FANCM: variants seen among roughly 807,000 people sequenced by gnomAD.
FANCM encodes the protein FA complementation group M.
In FANCM, 140 loss-of-function variants were observed where a neutral mutation model predicts 199.5. That is an observed-to-expected ratio of 0.70 (90% CI 0.61 to 0.81). The LOEUF (loss-of-function observed/expected upper bound fraction) is 0.81. FANCM is among the 30% of genes least tolerant of loss of function. The pLI is 0.00. For synonymous variants in FANCM, 840 were observed against 836.8 expected, an observed-to-expected ratio of 1.00 and a Z score of -0.07; for missense variants, 2,410 against 2,421.4, an observed-to-expected ratio of 1.00 and a Z score of 0.10.
chr14:45,183,579 A>T (rs1003882686), intron 16 of FANCM, among the ~76,000 whole-genome samples, 195 bp from the exon 17 acceptor site: 2 of 152,202 alleles, frequency 1.3e-5, no homozygotes, highest in East Asian at 3.8e-4. Context: ...ATGAATACCT[A>T]TACTAGTATT....
chr14:45,156,867 A>G (rs181478202), intron 8 of FANCM, among the ~76,000 whole-genome samples: 2 of 150,482 alleles, frequency 1.3e-5, no homozygotes, highest in East Asian at 3.9e-4. Context: ...GCGGTAAGCC[A>G]AGATTGCGCC....
Position 45,181,472 on chromosome 14 carries a change from T to G in FANCM, c.4265T>G (p.Ile1422Ser), listed in dbSNP as rs552998502. Reference sequence around the variant, plus strand: ...AGTAACGAAAGTGAAGATGACGAGATTTTCCGAAGAAAAGTTAAAAGAGCA... The same window carrying G: ...AGTAACGAAAGTGAAGATGACGAGAGTTTCCGAAGAAAAGTTAAAAGAGCA... ...LTSNESEDDE[I>S]FRRKVKRAKG... The change falls in exon 15 of 23, where the codon ATT becomes AGT. Residue 1422 changes from isoleucine (I) to serine (S), a missense_variant. Physicochemically the swap from Ile to Ser is moderately radical, Grantham distance 142. Coordinates refer to ENST00000267430, the MANE Select transcript of FANCM (RefSeq NM_020937.4). 4.4e-6 allele frequency: 7 copies of G among 1,608,484 alleles called. No homozygotes were observed. The South Asian group carries it at 6.6e-5, about 15-fold the overall frequency.
At chr14:45,192,827 TA>T (rs944032052) in intron 20 of FANCM, among the ~76,000 whole-genome samples, 67 of 141,912 alleles carry the variant, frequency 4.7e-4, no homozygotes, top group Admixed American at 7.1e-4. Context: ...AGACTCTGTC[TA>T]AAAAAAAAAA....
intron 8 of FANCM, among the ~76,000 whole-genome samples, chr14:45,158,658 A>T (rs928555563): frequency 6.6e-6 from 1 of 152,172 alleles, no homozygotes; most frequent in Non-Finnish European, 1.5e-5. Context: ...AGGTAAAGGG[A>T]AATGATAGCC....
At position 45,192,399 on chromosome 14, in the gene FANCM, T is replaced by A. The variant is rs1166355849; in HGVS notation, c.5340+3037T>A. On this transcript the variant is annotated intron_variant, in intron 20 of 22. Coordinates refer to ENST00000267430, the MANE Select transcript of FANCM (RefSeq NM_020937.4). ...GCTTACGCCTATAATCCCAGCACTTTGGGAGGCCGAGGCAGGTGGATCACT... is the reference window on the plus strand; with the variant it reads ...GCTTACGCCTATAATCCCAGCACTTAGGGAGGCCGAGGCAGGTGGATCACT... Among the ~76,000 whole-genome samples the A allele has an allele frequency of 3.3e-5, 5 of 152,210 alleles. No homozygotes were observed. In the South Asian group the frequency reaches 8.3e-4, roughly 25 times the overall value.
intron 2 of FANCM, among the ~76,000 whole-genome samples, chr14:45,138,654 C>T (rs1404933071): frequency 2.0e-5 from 3 of 152,184 alleles, no homozygotes; most frequent in South Asian, 2.1e-4. Context: ...AAAATTCAAA[C>T]TGTATGGAAT....
At chr14:45,147,530 A>T (rs1029182737) in intron 3 of FANCM, among the ~76,000 whole-genome samples, 2 of 152,092 alleles carry the variant, frequency 1.3e-5, no homozygotes, top group East Asian at 3.9e-4. Flanking sequence ...CAGTCTTCCC[A>T]ACTTGGCCTC....
chr14:45,188,726 T>C, intron 19 of FANCM, 76 bp from the exon 20 acceptor site: 1 of 1,072,786 alleles, frequency 9.3e-7, no homozygotes, highest in Non-Finnish European at 1.4e-6. Flanking sequence ...GCAGATTTCA[T>C]GTGCCTAGAA....
Position 45,159,168 on chromosome 14 carries a change from A to C in FANCM, c.1469A>C (p.Gln490Pro). 6.2e-7 allele frequency: 1 copy of C among 1,613,490 alleles called. No individual in the cohort carries two copies. Among genetic ancestry groups the C allele is most frequent in the Middle Eastern group, 1.7e-4 (1 of 6,060 alleles). ...MIFSSFRDSVQEIAEMLSQHQ... is the reference protein window; with the variant it reads ...MIFSSFRDSVPEIAEMLSQHQ... ...TTCTCTTCATTTCGAGATAGTGTTCAAGAAATTGCAGAAATGCTTTCACAG... is the reference window on the plus strand; with the variant it reads ...TTCTCTTCATTTCGAGATAGTGTTCCAGAAATTGCAGAAATGCTTTCACAG... The change falls in exon 9 of 23, where the codon CAA (glutamine) becomes CCA (proline). Residue 490 changes from glutamine to proline, a missense_variant. Coordinates refer to ENST00000267430, the MANE Select transcript of FANCM (RefSeq NM_020937.4).
At chr14:45,171,691 TTGTGTGTGTGTG>T (rs3036344) in intron 12 of FANCM, among the ~76,000 whole-genome samples, 6 of 146,428 alleles carry the variant, frequency 4.1e-5, no homozygotes, top group African/African-American at 1.3e-4. Flanking sequence ...GTAGTCCATG[TTGTGTGTGTGTG>T]TGTGTGTGTG....
At chr14:45,156,633 G>A (rs1887207860) in intron 8 of FANCM, among the ~76,000 whole-genome samples, 1 of 151,978 alleles carries the variant, frequency 6.6e-6, no homozygotes, top group African/African-American at 2.4e-5. Flanking sequence ...AAGAAAAAGG[G>A]AATTGGCCAG....
intron 2 of FANCM, among the ~76,000 whole-genome samples, chr14:45,139,196 A>G (rs1277760426): frequency 2.6e-5 from 4 of 152,234 alleles, no homozygotes; most frequent in African/African-American, 9.6e-5. Flanking sequence ...GGGATATTTT[A>G]TCTTGCATCA....
intron 10 of FANCM, 128 bp from the exon 11 acceptor site, chr14:45,166,822 C>G (rs1888011203): frequency 3.3e-6 from 2 of 611,072 alleles, no homozygotes; most frequent in Non-Finnish European, 5.8e-6. Context: ...GCTCCATTTT[C>G]TAAGTATTTA....
intron 11 of FANCM, 96 bp downstream of exon 11, chr14:45,167,259 A>G (rs1180489355): frequency 2.6e-6 from 2 of 755,208 alleles, no homozygotes; most frequent in East Asian, 2.7e-5. Flanking sequence ...AAAACTGAAT[A>G]TATGTTCTAA....
Position 45,176,049 on chromosome 14 carries a change from C to T in FANCM, c.3295C>T (p.Arg1099Cys), listed in dbSNP as rs767815301. ...NQNENLVPNN[R>C]VQIHRSPAQN... ...AAATGAAAATTTAGTACCTAACAAT[C>T]GTGTTCAAATACACAGAAGCCCTGC... The change falls in exon 14 of 23, where the codon CGT (arginine) becomes TGT (cysteine). Residue 1099 changes from arginine (R) to cysteine (C), a missense_variant. Physicochemically the swap from Arg to Cys is radical, Grantham distance 180. Transcript: ENST00000267430. The T allele has an allele frequency of 3.1e-6, 5 of 1,613,928 alleles. No homozygotes were observed. In the South Asian group the frequency reaches 3.3e-5, roughly 11 times the overall value.
chr14:45,180,892 A>G (rs910534486), intron 14 of FANCM: 9 of 155,482 alleles, frequency 5.8e-5, no homozygotes, highest in African/African-American at 1.9e-4. Context: ...GTCACTAAGT[A>G]TGGCCTGTAC....
chr14:45,162,913 A>G (rs374165217), intron 9 of FANCM, among the ~76,000 whole-genome samples: 3 of 151,814 alleles, frequency 2.0e-5, no homozygotes, highest in African/African-American at 7.2e-5. Flanking sequence ...TTACTGTGTT[A>G]TATGCAGGTT....
rs200543364 is a variant in FANCM, at chr14:45,176,213, C to T, written c.3459C>T (p.Asn1153=). Residue 1153 remains asparagine, a synonymous_variant, in exon 14 of 23, where the codon AAC becomes AAT. Coordinates refer to ENST00000267430, the MANE Select transcript of FANCM (RefSeq NM_020937.4). Reference sequence around the variant, plus strand: ...ACGATGTGAGTCTTTCACCCTTGAACAGTAAAAGCGAATCTTTACCTGTGT... The same window carrying T: ...ACGATGTGAGTCTTTCACCCTTGAATAGTAAAAGCGAATCTTTACCTGTGT... The part of the protein sequence containing the change: ...EFDDVSLSPL[N]SKSESLPVSD... 1 of 1,614,078 alleles carries T rather than the reference C, an allele frequency of 6.2e-7. No homozygotes were observed. Among genetic ancestry groups the T allele is most frequent in the East Asian group, 2.2e-5 (1 of 44,858 alleles).
Position 45,200,077 on chromosome 14 carries a change from GT to G in FANCM, c.*73del. On this transcript the variant is annotated 3_prime_UTR_variant, in exon 23 of 23. Coordinates refer to ENST00000267430, the MANE Select transcript of FANCM (RefSeq NM_020937.4). Reference sequence around the variant, plus strand: ...TAAATGCACTTCAATAATCATTGCTGTTTTATGTTTATTTGTAAATAAGAGA... The same window carrying G: ...TAAATGCACTTCAATAATCATTGCTGTTTATGTTTATTTGTAAATAAGAGA... The G allele has an allele frequency of 1.1e-6, 1 of 945,562 alleles. No homozygotes were observed. The highest frequency in any genetic ancestry group is 1.7e-5 in the African/African-American group (1 of 60,172). 58.6% of individuals were successfully genotyped at this position (945,562 alleles called of 1,614,324 possible). A position where few individuals can be genotyped will look rare whatever the true frequency, so the allele number is the denominator to read the frequency against.
Sources: allele counts gnomAD v4.1 joint callset (sites outside exome capture counted in the v4.1 genomes callset), GRCh38; gene constraint gnomAD v4.1.1; transcripts MANE v1.5; gene names NCBI Gene and HGNC (gene_info 2026-07-23, HGNC 2026-07-21).